MAP4: variants seen among roughly 807,000 people sequenced by gnomAD.
MAP4 encodes the protein microtubule associated protein 4.
A neutral mutation model predicts 170.2 loss-of-function variants in MAP4; 76 were observed. The observed-to-expected ratio is 0.45, with a 90% CI of 0.37 to 0.54. The LOEUF (loss-of-function observed/expected upper bound fraction) is 0.54. Among genes scored for constraint, MAP4 ranks in the 20% least tolerant of loss-of-function variants. The probability of loss-of-function intolerance (pLI) is 0.00; values close to 1 mark genes in which losing one functional copy is unlikely to be tolerated. For synonymous variants in MAP4, 909 were observed against 994.5 expected (o/e 0.91, Z 1.62); for missense variants, 2,506 against 2,748.0 (o/e 0.91, Z 1.97).
At chr3:47,898,272 G>C (rs1416362026) in intron 10 of MAP4, among the ~76,000 whole-genome samples, 1 of 152,140 alleles carries the variant, frequency 6.6e-6, no homozygotes, top group African/African-American at 2.4e-5. Flanking sequence ...GGGAGGCAGA[G>C]GCAGGTGGAT....
chr3:47,942,074 C>T (rs188114106), intron 3 of MAP4, among the ~76,000 whole-genome samples: 4 of 152,228 alleles, frequency 2.6e-5, no homozygotes, highest in Admixed American at 1.3e-4. Flanking sequence ...CAAGCTCACA[C>T]TTCTAGCCTC....
intron 16 of MAP4, 95 bp from the exon 17 acceptor site, chr3:47,867,433 A>G: frequency 1.3e-6 from 1 of 797,344 alleles, no homozygotes; most frequent in South Asian, 1.5e-5. Flanking sequence ...GATCACAATG[A>G]CCAACAAAAA....
intron 3 of MAP4, among the ~76,000 whole-genome samples, chr3:47,935,340 G>A (rs2100052115): frequency 6.6e-6 from 1 of 152,160 alleles, no homozygotes; most frequent in Admixed American, 6.5e-5. Context: ...CAAAATAGAA[G>A]TTAGGGCCAT....
At chr3:48,017,943 T>C (rs1316549455), upstream of MAP4, among the ~76,000 whole-genome samples, 2 of 152,172 alleles carry the variant, frequency 1.3e-5, no homozygotes, top group Non-Finnish European at 1.5e-5. Flanking sequence ...GGTTTCGGGA[T>C]GAAACTCTTC....
chr3:48,044,964 T>G (rs145481531), intron 1 of MAP4, among the ~76,000 whole-genome samples: 1,904 of 148,522 alleles, frequency 0.013, 146 homozygotes, highest in Admixed American at 0.12. Flanking sequence ...AAAGAATTTT[T>G]TTTTTGTTGA....
chr3:47,899,136 A>G (rs940130435), intron 10 of MAP4, among the ~76,000 whole-genome samples: 5 of 152,288 alleles, frequency 3.3e-5, no homozygotes, highest in Admixed American at 6.5e-5. Context: ...TGGATGAGGT[A>G]AATACATGAA....
intron 1 of MAP4, among the ~76,000 whole-genome samples, chr3:48,002,241 C>CAA (rs576739213): frequency 9.4e-5 from 8 of 84,664 alleles, no homozygotes; most frequent in Admixed American, 1.2e-4. Context: ...ACTCTAGTCT[C>CAA]AAAAAGAAAA....
intron 3 of MAP4, among the ~76,000 whole-genome samples, chr3:47,958,348 A>G (rs987666548): frequency 4.6e-5 from 7 of 152,226 alleles, no homozygotes; most frequent in Non-Finnish European, 1.0e-4. Flanking sequence ...AAGGCAAGGG[A>G]AACATGAAAT....
In MAP4 at chr3:47,916,931, T is replaced by C. The variant is rs2100039847; in HGVS notation, c.896A>G (p.Asp299Gly). 2 of 1,614,246 alleles carry C rather than the reference T, an allele frequency of 1.2e-6. No individual in the cohort carries two copies. The highest frequency in any genetic ancestry group is 1.7e-6 in the Non-Finnish European group (2 of 1,180,046). ...TTCCATGTCCTTGACTAGGGCCATA[T>C]CTGATTCCATGGATGGCTGCATGTC... is the stretch of plus-strand genomic sequence containing the variant. Reference protein sequence around the residue: ...AKDMQPSMESDMALVKDMELP... With the variant: ...AKDMQPSMESGMALVKDMELP... The change falls in exon 7 of 21, where the codon GAT becomes GGT. Residue 299 changes from aspartate to glycine, a missense_variant. Physicochemically the swap from Asp to Gly is moderately conservative, Grantham distance 94. Around this residue, in one of 3 missense-constraint regions of MAP4, gnomAD observed 2,008 missense variants for 2,206.0 expected, o/e 0.91. Coordinates refer to ENST00000683076, the MANE Select transcript of MAP4 (RefSeq NM_001385682.1).
Position 47,852,786 on chromosome 3 carries a change from A to G in MAP4, c.*148T>C, listed in dbSNP as rs1169687347. The G allele has an allele frequency of 1.3e-6, 2 of 1,547,910 alleles. No homozygotes were observed. The highest frequency in any genetic ancestry group is 3.9e-5 in the Admixed American group (2 of 50,972). Reference sequence around the variant, plus strand: ...TGCCCAGCACGGCGCCCAAGCGCTCACTGGTCTAGTGGACAGCCCGGGAAA... The same window carrying G: ...TGCCCAGCACGGCGCCCAAGCGCTCGCTGGTCTAGTGGACAGCCCGGGAAA... On this transcript the variant is annotated 3_prime_UTR_variant, in exon 21 of 21. Coordinates refer to ENST00000683076, the MANE Select transcript of MAP4 (RefSeq NM_001385682.1).
intron 16 of MAP4, among the ~76,000 whole-genome samples, 182 bp downstream of exon 16, chr3:47,869,032 C>T (rs1559827465): frequency 6.6e-6 from 1 of 152,016 alleles, no homozygotes; most frequent in Non-Finnish European, 1.5e-5. Context: ...TATTAACTTT[C>T]AAGGTTAATA....
At chr3:47,997,072 C>T (rs2100096153) in intron 2 of MAP4, among the ~76,000 whole-genome samples, 1 of 151,438 alleles carries the variant, frequency 6.6e-6, no homozygotes, top group African/African-American at 2.4e-5. Flanking sequence ...AAGTAAAACA[C>T]AAACAGAAAT....
At chr3:48,042,876 CA>C (rs1040373071) in intron 1 of MAP4, among the ~76,000 whole-genome samples, 6 of 152,142 alleles carry the variant, frequency 3.9e-5, no homozygotes, top group African/African-American at 2.4e-5. Context: ...GAAAACATCA[CA>C]AAAGACCACC....
At chr3:47,887,458 G>A (rs561613819) in intron 10 of MAP4, among the ~76,000 whole-genome samples, 4 of 152,344 alleles carry the variant, frequency 2.6e-5, no homozygotes, top group African/African-American at 9.6e-5. Context: ...CAGGGCTCGG[G>A]ACCTGCAGCC....
At chr3:48,049,492 T>C (rs1235336325) in intron 1 of MAP4, among the ~76,000 whole-genome samples, 1 of 151,810 alleles carries the variant, frequency 6.6e-6, no homozygotes, top group Admixed American at 6.6e-5. Flanking sequence ...TGATAGTGCA[T>C]ACCTATAGAC....
At chr3:47,935,852 T>C (rs2100052434) in intron 3 of MAP4, among the ~76,000 whole-genome samples, 1 of 150,518 alleles carries the variant, frequency 6.6e-6, no homozygotes, top group Non-Finnish European at 1.5e-5. Flanking sequence ...GACAGGAGAA[T>C]TGCTTGAACC....
At chr3:48,031,902 C>T (rs1022760010) in intron 1 of MAP4, among the ~76,000 whole-genome samples, 10 of 151,640 alleles carry the variant, frequency 6.6e-5, no homozygotes, top group Admixed American at 6.6e-4. Flanking sequence ...TACACACACA[C>T]ACACACACAG....
chr3:47,910,428 C>T lies in MAP4; in HGVS notation c.3993G>A (p.Gln1331=), dbSNP rs1560017725. The T allele has an allele frequency of 1.3e-6, 2 of 1,536,224 alleles. No individual in the cohort carries two copies. Among genetic ancestry groups the T allele is most frequent in the Admixed American group, 2.0e-5 (1 of 50,998 alleles). Residue 1331 remains glutamine (Q), a synonymous_variant, in exon 9 of 21, where the codon CAG becomes CAA. Coordinates refer to ENST00000683076, the MANE Select transcript of MAP4 (RefSeq NM_001385682.1). ...CTACTGAAGGAACAAATCCTGCCCC[C>T]TGGATTTGCTCTTGGCAGCTCACAT... ...VTDVSCQEQI[Q]GAGFVPSVVS...
chr3:48,087,454 T>C (rs2154576363), intron 1 of MAP4, among the ~76,000 whole-genome samples: 1 of 152,160 alleles, frequency 6.6e-6, no homozygotes, highest in Middle Eastern at 3.4e-3. Flanking sequence ...GACTGGGCAG[T>C]GTTACCCCAA....
Sources: gnomAD v4.1 joint callset for allele counts (sites outside exome capture counted in the v4.1 genomes callset) on GRCh38, gnomAD v4.1.1 for gene constraint, gnomAD v4.1.1 regional missense constraint, MANE v1.5 for transcripts, NCBI Gene and HGNC (gene_info 2026-07-23, HGNC 2026-07-21) for gene names.